Variants in DRC8 observed in about 807,000 individuals in gnomAD.
The protein encoded by DRC8 is dynein regulatory complex subunit 8.
the DRC8 span, among the ~76,000 whole-genome samples, chr1:245,112,132 T>C: frequency 3.3e-5 from 5 of 152,268 alleles, no homozygotes; most frequent in African/African-American, 1.2e-4. Flanking sequence ...TGGCGTGCAA[T>C]GGCACAATTT....
chr1:245,114,077 G>A, the DRC8 span, among the ~76,000 whole-genome samples: 134 of 152,348 alleles, frequency 8.8e-4, 2 homozygotes, highest in East Asian at 0.024. Context: ...TCCAAAAGCA[G>A]GATGTTGTTT....
the DRC8 span, among the ~76,000 whole-genome samples, chr1:245,070,935 A>G: frequency 1.3e-5 from 2 of 152,226 alleles, no homozygotes; most frequent in African/African-American, 2.4e-5. Context: ...TCCCTCTGCC[A>G]TGTTAGGACA....
the DRC8 span, among the ~76,000 whole-genome samples, chr1:245,065,182 C>A: frequency 6.8e-6 from 1 of 147,856 alleles, no homozygotes; most frequent in Non-Finnish European, 1.5e-5. Context: ...CTGCCTTGGC[C>A]TCCCAAATTA....
chr1:245,001,694 C>T, the DRC8 span, among the ~76,000 whole-genome samples: 1 of 152,336 alleles, frequency 6.6e-6, no homozygotes, highest in South Asian at 2.1e-4. Context: ...GTGCCCACCA[C>T]TTTAGCAACA....
chr1:245,099,687 G>A, the DRC8 span, among the ~76,000 whole-genome samples: 3 of 152,266 alleles, frequency 2.0e-5, no homozygotes, highest in Non-Finnish European at 4.4e-5. Flanking sequence ...CTGATCGCTT[G>A]AGGGGGTGGT....
the DRC8 span, among the ~76,000 whole-genome samples, chr1:244,976,296 A>G: frequency 1.2e-5 from 1 of 85,186 alleles, no homozygotes; most frequent in Non-Finnish European, 2.9e-5. Flanking sequence ...AAAACATAAG[A>G]GTTAAGAAAA....
At chr1:244,977,313 A>G in the DRC8 span, among the ~76,000 whole-genome samples, 1 of 152,262 alleles carries the variant, frequency 6.6e-6, no homozygotes, top group Non-Finnish European at 1.5e-5. Context: ...TTTAGTAAAT[A>G]GAAAATGTTG....
At chr1:245,053,817 G>C in the DRC8 span, among the ~76,000 whole-genome samples, 1 of 152,148 alleles carries the variant, frequency 6.6e-6, no homozygotes, top group African/African-American at 2.4e-5. Context: ...GGTTCCTCAA[G>C]GGGATGTGAA....
At chr1:245,005,206 A>G in the DRC8 span, among the ~76,000 whole-genome samples, 1 of 151,714 alleles carries the variant, frequency 6.6e-6, no homozygotes, top group Non-Finnish European at 1.5e-5. Flanking sequence ...TATATTTATA[A>G]TGGATGTTGG....
the DRC8 span, among the ~76,000 whole-genome samples, chr1:245,043,169 C>T: frequency 2.0e-5 from 3 of 152,156 alleles, no homozygotes; most frequent in Non-Finnish European, 2.9e-5. Flanking sequence ...CGGTGGCTCA[C>T]GCCTGCAATA....
At chr1:245,116,803 A>C in the DRC8 span, among the ~76,000 whole-genome samples, 1 of 152,210 alleles carries the variant, frequency 6.6e-6, no homozygotes. Context: ...GAGCTGTATA[A>C]TAAAATCCTG....
chr1:245,041,284 G>A, the DRC8 span, among the ~76,000 whole-genome samples: 4 of 152,174 alleles, frequency 2.6e-5, no homozygotes, highest in Admixed American at 6.5e-5. Context: ...AACGTTGGCA[G>A]GGCCAAATGA....
chr1:245,001,459 G>A, the DRC8 span, among the ~76,000 whole-genome samples: 1 of 152,192 alleles, frequency 6.6e-6, no homozygotes, highest in Non-Finnish European at 1.5e-5. Flanking sequence ...TTGAGTCAGA[G>A]TTTCCAGGGG....
At chr1:245,105,622 CAAA>C in the DRC8 span, among the ~76,000 whole-genome samples, 1 of 114,376 alleles carries the variant, frequency 8.7e-6, no homozygotes, top group Non-Finnish European at 1.7e-5. Context: ...GACCCCATCT[CAAA>C]AAAAAAAAAA....
chr1:245,013,983 G>T, the DRC8 span, among the ~76,000 whole-genome samples: 1 of 120,366 alleles, frequency 8.3e-6, no homozygotes, highest in Non-Finnish European at 1.6e-5. Flanking sequence ...GGTGAGTCGA[G>T]ATCATGCCAC....
chr1:245,120,118 T>G, the DRC8 span, among the ~76,000 whole-genome samples: 1 of 152,140 alleles, frequency 6.6e-6, no homozygotes, highest in African/African-American at 2.4e-5. Context: ...GAATAAAATA[T>G]ATGTGGTACA....
chr1:245,022,715 G>A, the DRC8 span, among the ~76,000 whole-genome samples: 45 of 152,180 alleles, frequency 3.0e-4, no homozygotes, highest in East Asian at 4.8e-3. Flanking sequence ...GTGCATGTGC[G>A]TGTGCGTGTG....
chr1:244,987,626 A>G, the DRC8 span, among the ~76,000 whole-genome samples: 4 of 138,078 alleles, frequency 2.9e-5, no homozygotes, highest in African/African-American at 5.6e-5. Flanking sequence ...CCAAAGGCCA[A>G]GAATTGGATT....
chr1:245,083,720 TTA>T, the DRC8 span: 1 of 1,584,988 alleles, frequency 6.3e-7, no homozygotes, highest in Middle Eastern at 1.7e-4. Flanking sequence ...TCACAATGAC[TTA>T]TGTGAGGAAT....
Sources: gnomAD v4.1 joint callset for allele counts (sites outside exome capture counted in the v4.1 genomes callset) on GRCh38, gnomAD v4.1.1 for gene constraint, MANE v1.5 for transcripts, NCBI Gene and HGNC (gene_info 2026-07-23, HGNC 2026-07-21) for gene names.